Variants in WDTC1 observed in about 807,000 individuals in gnomAD.
The protein encoded by WDTC1 is WD and tetratricopeptide repeats protein 1.
Under a neutral mutation model 76.0 loss-of-function variants are expected in WDTC1, and 12 were observed. That is an observed-to-expected ratio of 0.16 (90% CI 0.10 to 0.26). WDTC1 has a LOEUF of 0.26. Ranked by LOEUF, WDTC1 falls within the 10% of genes least tolerant of loss-of-function variation. WDTC1 has a pLI of 1.00. For synonymous variants in WDTC1, 326 were observed against 350.8 expected (o/e 0.93, Z 0.79); for missense variants, 511 against 908.8 (o/e 0.56, Z 5.63).
rs774904294 is a variant in WDTC1 at position 27,294,597 on chromosome 1, A to T, written c.841A>T (p.Thr281Ser). The change falls in exon 9 of 16, where the codon ACA becomes TCA. Residue 281 changes from threonine (T) to serine (S), a missense_variant. Thr to Ser is a moderately conservative substitution (Grantham distance 58). Coordinates refer to ENST00000319394, the MANE Select transcript of WDTC1 (RefSeq NM_001276252.2). ...ATYVTFSPNG[T>S]ELLVNMGGEQ... ...CTATGTGACCTTCAGCCCCAATGGC[A>T]CAGAGCTACTAGTCAACATGGGGGG... The T allele has an allele frequency of 3.7e-6, 6 of 1,614,002 alleles. No individual in the cohort carries two copies. The highest frequency in any genetic ancestry group is 5.1e-6 in the Non-Finnish European group (6 of 1,179,992).
chr1:27,293,710 G>A (rs898648373), intron 7 of WDTC1, among the ~76,000 whole-genome samples: 1 of 152,072 alleles, frequency 6.6e-6, no homozygotes, highest in African/African-American at 2.4e-5. Context: ...CATGGGCTTG[G>A]TGACCACTGC....
chr1:27,282,389 A>T, intron 4 of WDTC1, 104 bp downstream of exon 4: 1 of 1,130,794 alleles, frequency 8.8e-7, no homozygotes, highest in African/African-American at 1.6e-5. Context: ...TTGGACCCAA[A>T]TGAAAAGAGA....
chr1:27,250,970 G>A (rs2012031052), intron 1 of WDTC1, among the ~76,000 whole-genome samples: 1 of 141,408 alleles, frequency 7.1e-6, no homozygotes, highest in Non-Finnish European at 1.5e-5. Flanking sequence ...AGGTTCAAGC[G>A]ATTCTCCTGC....
At chr1:27,302,471 A>G (rs1176118540) in intron 13 of WDTC1, among the ~76,000 whole-genome samples, 1 of 152,218 alleles carries the variant, frequency 6.6e-6, no homozygotes, top group Non-Finnish European at 1.5e-5. Context: ...GCGGTGGCTC[A>G]CGCTTATAAT....
intron 3 of WDTC1, among the ~76,000 whole-genome samples, chr1:27,272,873 C>CACCCCAGCCTGGGCA (rs139651520): frequency 0.023 from 3,459 of 152,160 alleles, 85 homozygotes; most frequent in African/African-American, 0.067. Flanking sequence ...TGCACCATTA[C>CACCCCAGCCTGGGCA]ACCCCAGCCT....
At chr1:27,293,275 A>G (rs1370520462) in intron 7 of WDTC1, among the ~76,000 whole-genome samples, 2 of 149,276 alleles carry the variant, frequency 1.3e-5, no homozygotes, top group Non-Finnish European at 3.0e-5. Flanking sequence ...TACTAAAAAT[A>G]CAAAAAATTA....
At chr1:27,253,401 C>CCCCCT (rs1209546629) in intron 1 of WDTC1, among the ~76,000 whole-genome samples, 2 of 80,644 alleles carry the variant, frequency 2.5e-5, no homozygotes, top group East Asian at 5.0e-4. Flanking sequence ...CCCTCCCCCT[C>CCCCCT]CCCCTCCCCT....
intron 1 of WDTC1, among the ~76,000 whole-genome samples, chr1:27,239,048 G>A (rs2011557632): frequency 1.4e-5 from 2 of 147,002 alleles, no homozygotes; most frequent in Non-Finnish European, 3.0e-5. Flanking sequence ...GAAGACAGGT[G>A]TGTGCCATCA....
Position 27,263,177 on chromosome 1 carries a change from G to A in WDTC1, c.74G>A (p.Arg25Gln), listed in dbSNP as rs765267043. 25 of 1,613,328 alleles carry A rather than the reference G, an allele frequency of 1.5e-5. No homozygotes were observed. Among genetic ancestry groups the A allele is most frequent in the Non-Finnish European group, 1.9e-5 (22 of 1,179,780 alleles). The change falls in exon 3 of 16, where the codon CGG becomes CAG. Residue 25 changes from arginine to glutamine, a missense_variant. Coordinates refer to ENST00000319394, the MANE Select transcript of WDTC1 (RefSeq NM_001276252.2). ...IKERGALSFE[R>Q]RYHVTDPFIR... is the part of the protein sequence containing the mutation. ...GAGCGGGGTGCCCTGAGCTTTGAGC[G>A]GCGCTACCATGTCACTGACCCCTTT... is the stretch of plus-strand genomic sequence containing the variant.
intron 14 of WDTC1, 96 bp from the exon 15 acceptor site, chr1:27,304,905 C>T: frequency 7.7e-7 from 1 of 1,301,308 alleles, no homozygotes; most frequent in South Asian, 1.5e-5. Flanking sequence ...TGGCTGCAGA[C>T]TTCCTTGCTC....
At position 27,307,511 on chromosome 1, in the gene WDTC1, CT is replaced by C. The variant is rs1257046142; in HGVS notation, c.*1129del. 1 of 153,792 alleles carries C rather than the reference CT, an allele frequency of 6.5e-6. No homozygotes were observed. The highest frequency in any genetic ancestry group is 6.5e-5 in the Admixed American group (1 of 15,282). The allele number at this position is 153,792 out of a possible 1,614,324, so 9.5% of individuals were successfully genotyped here. Reference sequence around the variant, plus strand: ...CCAGGTAGTTGGTTCATCCTTCCCCCTCTCTCCCTCCCTGCTTCCCCTTCAG... The same window carrying C: ...CCAGGTAGTTGGTTCATCCTTCCCCCCTCTCCCTCCCTGCTTCCCCTTCAG... On this transcript the variant is annotated 3_prime_UTR_variant, in exon 16 of 16. Coordinates refer to ENST00000319394, the MANE Select transcript of WDTC1 (RefSeq NM_001276252.2). This position sits in a 1 kb window ranked among gnomAD's most constrained non-coding sequence, Gnocchi z 4.1.
rs1167805191 is a variant in WDTC1 at position 27,297,055 on chromosome 1, G to T, written c.957G>T (p.Gln319His). Residue 319 changes from glutamine to histidine, a missense_variant, in exon 11 of 16, where the codon CAG becomes CAT. Coordinates refer to ENST00000319394, the MANE Select transcript of WDTC1 (RefSeq NM_001276252.2). ...CTCACTATCTCCTGCCAGAAGTCCA[G>T]AATGGCAAGATGTCCACCAACGGTG... The part of the protein sequence containing the change: ...PRKCHSSGEV[Q>H]NGKMSTNGVS... The T allele has an allele frequency of 6.2e-7, 1 of 1,613,812 alleles. No homozygotes were observed. The highest frequency in any genetic ancestry group is 1.3e-5 in the African/African-American group (1 of 74,904).
chr1:27,246,862 A>ATT (rs557734769), intron 1 of WDTC1, among the ~76,000 whole-genome samples: 21 of 89,182 alleles, frequency 2.4e-4, no homozygotes, highest in Non-Finnish European at 3.0e-4. Context: ...ACGCCCAGCC[A>ATT]TTTTTTTTTT....
chr1:27,250,986 C>T (rs2012031548), intron 1 of WDTC1, among the ~76,000 whole-genome samples: 1 of 148,386 alleles, frequency 6.7e-6, no homozygotes, highest in African/African-American at 2.5e-5. Context: ...CCTGCCTCAG[C>T]CTCCTGAGTA....
chr1:27,291,018 C>G (rs2013520319), intron 6 of WDTC1, among the ~76,000 whole-genome samples: 1 of 152,176 alleles, frequency 6.6e-6, no homozygotes, highest in African/African-American at 2.4e-5. Flanking sequence ...TTTGCCAGGG[C>G]CAGCTGGTAG....
chr1:27,236,225 T>C (rs893904692), intron 1 of WDTC1, among the ~76,000 whole-genome samples: 3 of 152,222 alleles, frequency 2.0e-5, no homozygotes, highest in African/African-American at 7.2e-5. Flanking sequence ...ATTTTTGCTG[T>C]TGAGTGTAAT....
chr1:27,240,358 C>T (rs777593229), intron 1 of WDTC1, among the ~76,000 whole-genome samples: 10 of 152,058 alleles, frequency 6.6e-5, no homozygotes, highest in Non-Finnish European at 1.2e-4. Flanking sequence ...ACCCATGTCT[C>T]CTCCTTAGCT....
chr1:27,248,529 A>T (rs973754748), intron 1 of WDTC1, among the ~76,000 whole-genome samples: 1 of 152,008 alleles, frequency 6.6e-6, no homozygotes, highest in African/African-American at 2.4e-5. Flanking sequence ...TAAGTTCCTT[A>T]TAGATGCTGG....
rs781175924 is a variant in WDTC1 at position 27,305,128 on chromosome 1, A to G, written c.1771A>G (p.Ser591Gly). Residue 591 changes from serine (S) to glycine (G), a missense_variant, in exon 15 of 16, where the codon AGC becomes GGC. Ser to Gly is a moderately conservative substitution (Grantham distance 56). Transcript: ENST00000319394. This position sits in a 1 kb window ranked among gnomAD's most constrained non-coding sequence, Gnocchi z 4.6. ...SIVNCLQPHP[S>G]YCFLATSGID... ...TGTCAACTGCCTGCAGCCACACCCCAGCTACTGCTTCCTGGCCACCAGTGG... is the reference window on the plus strand; with the variant it reads ...TGTCAACTGCCTGCAGCCACACCCCGGCTACTGCTTCCTGGCCACCAGTGG... 8.6e-5 allele frequency: 139 copies of G among 1,613,970 alleles called. No homozygotes were observed. Among genetic ancestry groups the G allele is most frequent in the Non-Finnish European group, 1.1e-4 (126 of 1,179,998 alleles).
Sources: allele counts gnomAD v4.1 joint callset (sites outside exome capture counted in the v4.1 genomes callset), GRCh38; gene constraint gnomAD v4.1.1; non-coding constraint Gnocchi (gnomAD v3.1); transcripts MANE v1.5; gene names NCBI Gene and HGNC (gene_info 2026-07-23, HGNC 2026-07-21).